The following HLF variants were observed in gnomAD, a reference collection of about 807,000 sequenced individuals.
HLF encodes HLF transcription factor, PAR bZIP family member.
HLF carries 3 observed loss-of-function variants against 22.6 expected under a neutral mutation model. The observed-to-expected ratio is 0.13, with a 90% confidence interval of 0.06 to 0.34. HLF has a LOEUF of 0.34. Ranked by LOEUF, HLF falls within the 10% of genes least tolerant of loss-of-function variation. The pLI, the probability that HLF is intolerant of heterozygous loss-of-function variation, is 1.00. For synonymous variants in HLF, 151 were observed against 151.8 expected, an observed-to-expected ratio of 0.99 and a Z score of 0.04; for missense variants, 299 against 389.2, an observed-to-expected ratio of 0.77 and a Z score of 1.95.
At chr17:55,271,073 C>G (rs1398856803) in intron 2 of HLF, among the ~76,000 whole-genome samples, 1 of 152,168 alleles carries the variant, frequency 6.6e-6, no homozygotes, top group Non-Finnish European at 1.5e-5. Context: ...TACCAAATGT[C>G]CCCTGGGCAT....
intron 3 of HLF, among the ~76,000 whole-genome samples, chr17:55,316,686 T>C (rs778083985): frequency 6.6e-6 from 1 of 152,222 alleles, no homozygotes; most frequent in Non-Finnish European, 1.5e-5. Context: ...GCTCCCAGGT[T>C]GTCTTGCTTC....
At position 55,320,019 on chromosome 17, in the gene HLF, T is replaced by A. The variant is rs1394973360; in HGVS notation, c.673-645T>A. Among the ~76,000 whole-genome samples the A allele has an allele frequency of 6.6e-6, 1 of 152,240 alleles. No homozygotes were observed. Among genetic ancestry groups the A allele is most frequent in the East Asian group, 1.9e-4 (1 of 5,200 alleles). On this transcript the variant is annotated intron_variant, in intron 3 of 3. Transcript: ENST00000226067. This position sits in a 1 kb window ranked among gnomAD's most constrained non-coding sequence, Gnocchi z 4.2. Reference sequence around the variant, plus strand: ...TTTCTGGTGCAGGTGGGTCATTATTTTTAACAGCTGCCAAGTATCCCTTTG... The same window carrying A: ...TTTCTGGTGCAGGTGGGTCATTATTATTAACAGCTGCCAAGTATCCCTTTG...
chr17:55,299,818 T>G (rs961530705), intron 2 of HLF, among the ~76,000 whole-genome samples: 1 of 151,562 alleles, frequency 6.6e-6, no homozygotes, highest in Non-Finnish European at 1.5e-5. Flanking sequence ...GTCATATTGT[T>G]CCTCATTTGC....
At chr17:55,269,205 G>C (rs564549309) in intron 2 of HLF, among the ~76,000 whole-genome samples, 5 of 152,146 alleles carry the variant, frequency 3.3e-5, no homozygotes, top group African/African-American at 1.2e-4. Context: ...CCCCTGCCTC[G>C]ATATATTCAT....
chr17:55,266,241 T>C (rs1157882769), intron 1 of HLF: 1 of 152,172 alleles, frequency 6.6e-6, no homozygotes, highest in African/African-American at 2.4e-5. Context: ...GTGCACTTTT[T>C]CTGGTGGGAG....
chr17:55,315,995 A>G (rs761377182), intron 3 of HLF, among the ~76,000 whole-genome samples: 13 of 152,214 alleles, frequency 8.5e-5, no homozygotes, highest in Non-Finnish European at 1.5e-4. Context: ...CACCATTTAT[A>G]TGTATCTTAA....
At chr17:55,280,251 A>T (rs1264412996) in intron 2 of HLF, among the ~76,000 whole-genome samples, 1 of 152,126 alleles carries the variant, frequency 6.6e-6, no homozygotes, top group East Asian at 1.9e-4. Context: ...ACTGCTTTTG[A>T]GTTATTGCAG....
intron 2 of HLF, among the ~76,000 whole-genome samples, chr17:55,285,653 G>A (rs1297792164): frequency 6.6e-6 from 1 of 152,174 alleles, no homozygotes; most frequent in East Asian, 1.9e-4. Context: ...GGCTCTTGCA[G>A]TCACGTGGAG....
At chr17:55,270,555 A>G (rs975094210) in intron 2 of HLF, among the ~76,000 whole-genome samples, 11 of 152,228 alleles carry the variant, frequency 7.2e-5, no homozygotes, top group African/African-American at 2.4e-4. Context: ...AGTCCTCAGA[A>G]GGGAAGAGCA....
chr17:55,311,129 A>G (rs1904809070), intron 2 of HLF, among the ~76,000 whole-genome samples: 1 of 152,196 alleles, frequency 6.6e-6, no homozygotes, highest in African/African-American at 2.4e-5. Flanking sequence ...TGTATTCTGA[A>G]GTTTACCTAG....
chr17:55,291,541 A>C, intron 2 of HLF, among the ~76,000 whole-genome samples: 1 of 152,228 alleles, frequency 6.6e-6, no homozygotes, highest in East Asian at 1.9e-4. Context: ...AAATCCTTTC[A>C]AAATATTACT....
chr17:55,306,864 C>T (rs1904594405), intron 2 of HLF, among the ~76,000 whole-genome samples: 1 of 150,878 alleles, frequency 6.6e-6, no homozygotes, highest in Non-Finnish European at 1.5e-5. Flanking sequence ...TTTCTTAATT[C>T]CTCTTTCTTT....
At chr17:55,310,342 C>CTGTAT (rs2145364030) in intron 2 of HLF, among the ~76,000 whole-genome samples, 1 of 152,190 alleles carries the variant, frequency 6.6e-6, no homozygotes, top group African/African-American at 2.4e-5. Context: ...TCAGACTTAA[C>CTGTAT]AAATACAGGA....
At chr17:55,314,108 A>T (rs1473542598) in intron 2 of HLF, among the ~76,000 whole-genome samples, 2 of 152,188 alleles carry the variant, frequency 1.3e-5, no homozygotes, top group Non-Finnish European at 2.9e-5. Flanking sequence ...GAGAGGAGTG[A>T]TTGTAAAATT....
chr17:55,287,624 A>G (rs902947446), intron 2 of HLF, among the ~76,000 whole-genome samples: 5 of 152,220 alleles, frequency 3.3e-5, no homozygotes, highest in Non-Finnish European at 5.9e-5. Flanking sequence ...CTACTTTGAG[A>G]ATCAGTAGTT....
At chr17:55,299,929 C>T (rs1367824303) in intron 2 of HLF, among the ~76,000 whole-genome samples, 1 of 152,102 alleles carries the variant, frequency 6.6e-6, no homozygotes, top group South Asian at 2.1e-4. Flanking sequence ...AACTCCTGGG[C>T]TCAAGCGATC....
chr17:55,299,365 C>T (rs1314881319), intron 2 of HLF, among the ~76,000 whole-genome samples: 2 of 152,178 alleles, frequency 1.3e-5, no homozygotes, highest in East Asian at 1.9e-4. Context: ...GAGGCTATCT[C>T]TACGGGCATT....
At chr17:55,272,221 G>A (rs1165224959) in intron 2 of HLF, 1 of 152,262 alleles carries the variant, frequency 6.6e-6, no homozygotes, top group Non-Finnish European at 1.5e-5. Context: ...TCTCCTGGAG[G>A]GACGAATATG....
chr17:55,306,052 C>A (rs1221933307), intron 2 of HLF, among the ~76,000 whole-genome samples: 1 of 152,072 alleles, frequency 6.6e-6, no homozygotes, highest in East Asian at 1.9e-4. Context: ...TCTGAAGAAC[C>A]TTACTATCAG....
Sources: gnomAD v4.1 joint callset for allele counts (sites outside exome capture counted in the v4.1 genomes callset) on GRCh38, gnomAD v4.1.1 for gene constraint, Gnocchi (gnomAD v3.1) non-coding constraint, MANE v1.5 for transcripts, NCBI Gene and HGNC (gene_info 2026-07-23, HGNC 2026-07-21) for gene names.